DAB1: variants seen among roughly 807,000 people sequenced by gnomAD.
DAB1 encodes disabled homolog 1.
In DAB1, 15 loss-of-function variants were observed where a neutral mutation model predicts 64.6. The observed-to-expected ratio is 0.23, with a 90% CI of 0.16 to 0.36. DAB1 has a LOEUF of 0.36. Ranked by LOEUF, DAB1 falls within the 10% of genes least tolerant of loss-of-function variation. DAB1 has a pLI of 1.00. For synonymous variants in DAB1, 235 were observed against 251.9 expected (o/e 0.93, Z 0.64); for missense variants, 596 against 706.7 (o/e 0.84, Z 1.78).
chr1:57,803,367 G>A (rs1191923878), intron 6 of DAB1, among the ~76,000 whole-genome samples: 2 of 152,208 alleles, frequency 1.3e-5, no homozygotes, highest in African/African-American at 4.8e-5. Context: ...GTTAAAGGGG[G>A]AGTTAAGAAC....
chr1:58,304,826 A>G (rs748608690), intron 4 of DAB1, among the ~76,000 whole-genome samples: 27 of 152,134 alleles, frequency 1.8e-4, no homozygotes, highest in African/African-American at 4.6e-4. Flanking sequence ...AGAACTGCCT[A>G]TCACAATAAC....
In DAB1 at chr1:58,074,558, ATG is replaced by A. The variant is rs1553157890; in HGVS notation, n.387+75951_387+75952del. The A allele has an allele frequency of 3.1e-3, 179 of 57,598 alleles. 1 individual carries two copies. In the East Asian group the frequency reaches 0.047, roughly 15 times the overall value. 3.6% of individuals were successfully genotyped at this position (57,598 alleles called of 1,614,324 possible). On this transcript the variant is annotated intron_variant and non_coding_transcript_variant, in intron 5 of 20. Coordinates refer to the DAB1 transcript ENST00000485760. ...TATATATATATACACACATATATAT[ATG>A]TGTGTATATATATATATATATATAT...
intron 1 of DAB1, among the ~76,000 whole-genome samples, chr1:57,332,785 C>T (rs537135451): frequency 3.3e-5 from 5 of 152,294 alleles, no homozygotes; most frequent in African/African-American, 1.2e-4. Context: ...GGTCACATGG[C>T]CAATTTCATT....
rs535730235 is a variant in DAB1, at chr1:58,427,176, A to C, written n.257+78884T>G. 8.5e-5 allele frequency among the ~76,000 whole-genome samples: 13 copies of C among 152,056 alleles called. 1 individual carries two copies. Among genetic ancestry groups the C allele is most frequent in the African/African-American group, 3.1e-4 (13 of 41,498 alleles). On this transcript the variant is annotated intron_variant and non_coding_transcript_variant, in intron 3 of 20. Coordinates refer to the DAB1 transcript ENST00000485760. ...GGGGTGTGGTTAGGGTTATGCAAGT[A>C]AGGTGGTGTGGGGTAGAGAAGATCT... is the stretch of plus-strand genomic sequence containing the variant.
rs1028846821 is a variant in DAB1 at position 58,365,923 on chromosome 1, G to C, written n.258-22520C>G. Among the ~76,000 whole-genome samples, 4 of 152,158 alleles carry C rather than the reference G, an allele frequency of 2.6e-5. No individual in the cohort carries two copies. In the South Asian group the frequency reaches 8.3e-4, roughly 32 times the overall value. On this transcript the variant is annotated intron_variant and non_coding_transcript_variant, in intron 3 of 20. Transcript: ENST00000485760. ...AGTGGTCCAAGAAAGGAGGAGACAA[G>C]TTGGGTTTTTGAAGCCAGATCACTC...
intron 2 of DAB1, among the ~76,000 whole-genome samples, chr1:57,152,503 AG>A (rs901492887): frequency 3.2e-4 from 48 of 152,316 alleles, no homozygotes; most frequent in Admixed American, 5.2e-4. Context: ...CTGGAAACCA[AG>A]CCCCCTGAAA....
In DAB1 at chr1:57,568,031, T is replaced by C. The variant is rs370173665; in HGVS notation, n.625+81561A>G. ...CGCTACCTGACCTCAACCTATACTATAAGGCTACAGTAACCAAAACAGCAT... is the reference window on the plus strand; with the variant it reads ...CGCTACCTGACCTCAACCTATACTACAAGGCTACAGTAACCAAAACAGCAT... On this transcript the variant is annotated intron_variant and non_coding_transcript_variant, in intron 7 of 20. Transcript: ENST00000485760. Among the ~76,000 whole-genome samples the C allele has an allele frequency of 5.9e-4, 90 of 152,218 alleles. 1 individual carries two copies. The East Asian group carries it at 0.016, about 27-fold the overall frequency.
intron 7 of DAB1, among the ~76,000 whole-genome samples, chr1:57,464,122 G>T (rs1225506447): frequency 6.6e-6 from 1 of 152,034 alleles, no homozygotes; most frequent in Non-Finnish European, 1.5e-5. Context: ...TGAACTAAAT[G>T]CTCTACATGG....
chr1:58,174,929 C>T (rs1656383204), intron 4 of DAB1, among the ~76,000 whole-genome samples: 1 of 151,990 alleles, frequency 6.6e-6, no homozygotes, highest in South Asian at 2.1e-4. Context: ...CACCAATCAG[C>T]ACTCTGTGTC....
intron 4 of DAB1, among the ~76,000 whole-genome samples, chr1:58,287,362 G>A (rs1255585993): frequency 1.3e-5 from 2 of 152,092 alleles, no homozygotes; most frequent in South Asian, 2.1e-4. Context: ...ACAACTTTTC[G>A]ATTATATCTC....
intron 1 of DAB1, among the ~76,000 whole-genome samples, chr1:57,413,743 CAAAAAA>C (rs58388088): frequency 1.6e-4 from 10 of 64,514 alleles, no homozygotes; most frequent in African/African-American, 3.5e-4. Context: ...GACTCTGTCT[CAAAAAA>C]AAAAAAAAAA....
intron 3 of DAB1, among the ~76,000 whole-genome samples, chr1:58,493,553 A>G (rs1298866803): frequency 2.0e-5 from 3 of 151,464 alleles, no homozygotes; most frequent in African/African-American, 7.3e-5. Flanking sequence ...TAAGCTGATA[A>G]GCAACTTCAG....
intron 5 of DAB1, among the ~76,000 whole-genome samples, chr1:58,027,190 G>A (rs1452945895): frequency 2.6e-5 from 4 of 152,140 alleles, no homozygotes; most frequent in Admixed American, 2.6e-4. Flanking sequence ...ATGTGAAAAA[G>A]GAAGACAATA....
intron 6 of DAB1, among the ~76,000 whole-genome samples, chr1:57,794,358 A>G (rs995803272): frequency 1.3e-5 from 2 of 152,208 alleles, no homozygotes; most frequent in South Asian, 4.1e-4. Context: ...GTATCTCTCT[A>G]GCATTAGATC....
chr1:58,527,247 A>T (rs1280522151), intron 2 of DAB1: 2 of 871,784 alleles, frequency 2.3e-6, no homozygotes, highest in African/African-American at 3.3e-5. Context: ...ATTCTCAACT[A>T]CTAAACACTT....
intron 2 of DAB1, among the ~76,000 whole-genome samples, chr1:58,513,384 A>G (rs1436305232): frequency 6.6e-6 from 1 of 152,150 alleles, no homozygotes. Flanking sequence ...TCTTTACAGC[A>G]CTGTGAAAAT....
At chr1:58,414,194 C>T (rs1272404808) in intron 3 of DAB1, among the ~76,000 whole-genome samples, 5 of 152,152 alleles carry the variant, frequency 3.3e-5, no homozygotes, top group African/African-American at 1.2e-4. Context: ...TATTGCATTC[C>T]CCATCTTGAT....
chr1:57,708,719 C>G (rs375380296), intron 6 of DAB1, among the ~76,000 whole-genome samples: 1 of 152,208 alleles, frequency 6.6e-6, no homozygotes, highest in South Asian at 2.1e-4. Context: ...CACTGTGATA[C>G]GACAGTACCG....
At chr1:57,082,249 T>C (rs1176811624) in intron 4 of DAB1, among the ~76,000 whole-genome samples, 1 of 152,206 alleles carries the variant, frequency 6.6e-6, no homozygotes, top group Admixed American at 6.5e-5. Flanking sequence ...TTTCTCTACC[T>C]CCACTCCCTC....
Sources: gnomAD v4.1 joint callset for allele counts (sites outside exome capture counted in the v4.1 genomes callset) on GRCh38, gnomAD v4.1.1 for gene constraint, MANE v1.5 for transcripts, NCBI Gene and HGNC (gene_info 2026-07-23, HGNC 2026-07-21) for gene names.